ASB2: variants seen among roughly 807,000 people sequenced by gnomAD.
ASB2 encodes ankyrin repeat and SOCS box protein 2.
Under a neutral mutation model 62.4 loss-of-function variants are expected in ASB2, and 58 were observed. The observed-to-expected ratio is 0.93, with a 90% CI of 0.75 to 1.16. ASB2 has a LOEUF of 1.16. ASB2 is among the 50% of genes most tolerant of loss of function. The probability of loss-of-function intolerance (pLI) is 0.00; values close to 1 mark genes in which losing one functional copy is unlikely to be tolerated. For missense variants in ASB2, 928 were observed against 887.9 expected, an observed-to-expected ratio of 1.05 and a Z score of -0.57; for synonymous variants, 386 against 385.3, an observed-to-expected ratio of 1.00 and a Z score of -0.02.
At position 93,948,637 on chromosome 14, in the gene ASB2, CCAAGAAAA is replaced by C. The variant is rs1229995073; in HGVS notation, c.881-1125_881-1118del. On this transcript the variant is annotated intron_variant, in intron 6 of 9. Transcript: ENST00000555019. ...TAAGAGAATTACTTTCTGTCTCCTC[CCAAGAAAA>C]TACTAGGCCAGGTGCAATGGCTCAC... Among the ~76,000 whole-genome samples, 471 of 152,296 alleles carry C rather than the reference CCAAGAAAA, an allele frequency of 3.1e-3. 3 individuals are homozygous for C. The highest frequency in any genetic ancestry group is 0.011 in the African/African-American group (453 of 41,550).
intron 2 of ASB2, among the ~76,000 whole-genome samples, chr14:93,958,361 C>T (rs557334587): frequency 1.7e-4 from 26 of 152,304 alleles, no homozygotes; most frequent in African/African-American, 6.3e-4. Context: ...AGCATGACAG[C>T]GAGTGGAGCA....
At chr14:93,967,609 A>T (rs771065717) in intron 1 of ASB2, among the ~76,000 whole-genome samples, 12 of 152,230 alleles carry the variant, frequency 7.9e-5, no homozygotes, top group Admixed American at 2.6e-4. Flanking sequence ...TCTGGGCCTC[A>T]GTTTCCTCAT....
At chr14:93,973,413 G>A (rs1889817869) in intron 1 of ASB2, among the ~76,000 whole-genome samples, 1 of 152,232 alleles carries the variant, frequency 6.6e-6, no homozygotes, top group Non-Finnish European at 1.5e-5. Context: ...ATGGTGAGAG[G>A]AAGAGAGGGA....
chr14:93,958,585 ACT>A (rs1297585527), intron 2 of ASB2, among the ~76,000 whole-genome samples: 1 of 152,188 alleles, frequency 6.6e-6, no homozygotes, highest in Non-Finnish European at 1.5e-5. Context: ...GGATGTCCAC[ACT>A]GTTTCTGTAG....
intron 5 of ASB2, 74 bp from the exon 6 acceptor site, chr14:93,951,318 C>T: frequency 5.3e-6 from 8 of 1,498,362 alleles, no homozygotes; most frequent in East Asian, 2.3e-5. Context: ...CATTCATTCG[C>T]CTGTCCATTC....
intron 1 of ASB2, among the ~76,000 whole-genome samples, chr14:93,976,117 A>T (rs1889905305): frequency 6.6e-6 from 1 of 152,238 alleles, no homozygotes; most frequent in Non-Finnish European, 1.5e-5. Context: ...ACCGCCCAAG[A>T]CCTACAGACC....
Position 93,939,441 on chromosome 14 carries a change from C to T in ASB2, c.1284G>A (p.Glu428=). ...AVVNNNVYAT[E]LLLQHGADPN... is the part of the protein sequence containing the mutation. ...GGTCGGCGCCGTGTTGCAGCAGCAGCTCGGTGGCGTACACGTTGTTGTTGA... is the reference window on the plus strand; with the variant it reads ...GGTCGGCGCCGTGTTGCAGCAGCAGTTCGGTGGCGTACACGTTGTTGTTGA... The change falls in exon 8 of 10, where the codon GAG becomes GAA. Residue 428 remains glutamate, a synonymous_variant. Coordinates refer to ENST00000555019, the MANE Select transcript of ASB2 (RefSeq NM_001202429.2). 1.2e-6 allele frequency: 2 copies of T among 1,612,718 alleles called. No homozygotes were observed. The highest frequency in any genetic ancestry group is 1.7e-6 in the Non-Finnish European group (2 of 1,179,816).
At position 93,964,217 on chromosome 14, in the gene ASB2, T is replaced by A. The variant is rs142284425; in HGVS notation, c.206+117A>T. The stretch of plus-strand genomic sequence containing the variant: ...AGATAACAAATGTAAATGGGAAAGG[T>A]GTGAAAAGCAACCTAGAGACCAGGA... On this transcript the variant is annotated intron_variant, in intron 2 of 9. Coordinates refer to ENST00000555019, the MANE Select transcript of ASB2 (RefSeq NM_001202429.2). The A allele has an allele frequency of 8.0e-4, 712 of 884,940 alleles. No homozygotes were observed. In the African/African-American group the frequency reaches 0.01, roughly 13 times the overall value. The allele number at this position is 884,940 out of a possible 1,614,324, so 54.8% of individuals were successfully genotyped here.
chr14:93,950,008 A>C (rs1888892957), intron 6 of ASB2, among the ~76,000 whole-genome samples: 1 of 152,210 alleles, frequency 6.6e-6, no homozygotes, highest in Non-Finnish European at 1.5e-5. Flanking sequence ...AGCACAAAGC[A>C]TGTGCAGTTT....
At chr14:93,943,807 A>C in intron 7 of ASB2, 1 of 383,390 alleles carries the variant, frequency 2.6e-6, no homozygotes, top group African/African-American at 2.1e-5. Context: ...ACTAATGGGG[A>C]TATTAACTTG....
intron 1 of ASB2, among the ~76,000 whole-genome samples, chr14:93,972,576 C>T (rs1044274648): frequency 6.6e-6 from 1 of 152,190 alleles, no homozygotes; most frequent in African/African-American, 2.4e-5. Context: ...GTTGAGACCA[C>T]GTCAGCCTGC....
At chr14:93,942,348 A>G (rs1888559653) in intron 7 of ASB2, 1 of 450,052 alleles carries the variant, frequency 2.2e-6, no homozygotes, top group East Asian at 7.0e-5. Flanking sequence ...GGCCACAACT[A>G]CCAGCTTAGC....
intron 5 of ASB2, among the ~76,000 whole-genome samples, chr14:93,951,909 C>G (rs56937288): frequency 6.6e-6 from 1 of 152,208 alleles, no homozygotes; most frequent in East Asian, 1.9e-4. Context: ...CCTTTATAAG[C>G]CTCATCTCTC....
At chr14:93,940,261 C>G (rs1319540286) in intron 7 of ASB2, 1 of 152,638 alleles carries the variant, frequency 6.6e-6, no homozygotes, top group African/African-American at 2.4e-5. Flanking sequence ...CTCCTAAAGG[C>G]TTTACAAGTG....
chr14:93,939,776 G>A, intron 7 of ASB2, 104 bp from the exon 8 acceptor site: 3 of 947,766 alleles, frequency 3.2e-6, no homozygotes, highest in Non-Finnish European at 4.3e-6. Context: ...TCGGCTGGTC[G>A]CCCTGACCGC....
intron 5 of ASB2, among the ~76,000 whole-genome samples, chr14:93,952,089 G>T (rs1306918368): frequency 1.3e-5 from 2 of 152,228 alleles, no homozygotes; most frequent in Non-Finnish European, 2.9e-5. Flanking sequence ...CTGGCAGCAG[G>T]GGGAGGAGGG....
At chr14:93,964,674 T>C in intron 1 of ASB2, 62 bp from the exon 2 acceptor site, 1 of 760,258 alleles carries the variant, frequency 1.3e-6, no homozygotes, top group Non-Finnish European at 2.2e-6. Context: ...ATATTTACCC[T>C]CAGGGAAGGG....
chr14:93,946,702 C>T (rs1888738346), intron 7 of ASB2, among the ~76,000 whole-genome samples: 1 of 152,234 alleles, frequency 6.6e-6, no homozygotes, highest in South Asian at 2.1e-4. Context: ...GTGCTTCTTC[C>T]CTTCCTCCAG....
intron 3 of ASB2, chr14:93,955,192 T>C (rs926043615): frequency 4.2e-5 from 19 of 456,170 alleles, no homozygotes; most frequent in Non-Finnish European, 4.4e-6. Context: ...AATAGTCCCA[T>C]TTCCCAGATG....
Sources: allele counts gnomAD v4.1 joint callset (sites outside exome capture counted in the v4.1 genomes callset), GRCh38; gene constraint gnomAD v4.1.1; transcripts MANE v1.5; gene names NCBI Gene and HGNC (gene_info 2026-07-23, HGNC 2026-07-21).